The following SYT9 variants were observed in gnomAD, a reference collection of about 807,000 sequenced individuals.
SYT9 encodes synaptotagmin-9.
SYT9 carries 22 observed loss-of-function variants against 48.4 expected under a neutral mutation model. The ratio of observed to expected loss-of-function variants is 0.45; its 90% CI spans 0.32 to 0.65. SYT9 has a LOEUF of 0.65. Ranked by LOEUF, SYT9 falls within the 30% of genes least tolerant of loss-of-function variation. The pLI, the probability that SYT9 is intolerant of heterozygous loss-of-function variation, is 0.03. For synonymous variants in SYT9, 265 were observed against 245.0 expected (o/e 1.08, Z -0.76); for missense variants, 577 against 622.0 (o/e 0.93, Z 0.77).
chr11:7,425,765 C>T (rs569833808), intron 6 of SYT9, among the ~76,000 whole-genome samples: 4 of 151,998 alleles, frequency 2.6e-5, no homozygotes, highest in African/African-American at 4.8e-5. Flanking sequence ...AAGCCTAATA[C>T]GTGTGTTAGG....
At chr11:7,242,334 G>A (rs1342963064) in intron 1 of SYT9, among the ~76,000 whole-genome samples, 2 of 152,140 alleles carry the variant, frequency 1.3e-5, no homozygotes, top group Non-Finnish European at 2.9e-5. Flanking sequence ...GACCCATCTG[G>A]GGTGGTTAAG....
intron 2 of SYT9, among the ~76,000 whole-genome samples, chr11:7,307,079 C>G (rs980299672): frequency 2.6e-5 from 4 of 152,204 alleles, no homozygotes; most frequent in Non-Finnish European, 4.4e-5. Flanking sequence ...GGCCATTTGT[C>G]CCAGGTCTCA....
chr11:7,304,695 G>T (rs1284849824), intron 2 of SYT9, among the ~76,000 whole-genome samples: 4 of 152,094 alleles, frequency 2.6e-5, no homozygotes, highest in Admixed American at 2.6e-4. Context: ...TGAGGAGATG[G>T]GTAGTTGTCT....
At chr11:7,293,856 C>T (rs1848738070) in intron 1 of SYT9, among the ~76,000 whole-genome samples, 1 of 152,182 alleles carries the variant, frequency 6.6e-6, no homozygotes, top group African/African-American at 2.4e-5. Context: ...TTCTCTTTCT[C>T]CTGCTGAAGT....
chr11:7,262,603 C>T (rs1848100802), intron 1 of SYT9, among the ~76,000 whole-genome samples: 1 of 151,996 alleles, frequency 6.6e-6, no homozygotes, highest in African/African-American at 2.4e-5. Context: ...GAGTGTTGAC[C>T]TGGAACCCAG....
upstream of SYT9, among the ~76,000 whole-genome samples, chr11:7,248,484 C>T (rs1847821345): frequency 6.6e-6 from 1 of 152,134 alleles, no homozygotes; most frequent in African/African-American, 2.4e-5. Flanking sequence ...AGTCCTTAAT[C>T]CATCTTGAGT....
At chr11:7,455,205 G>GA (rs11372744) in intron 6 of SYT9, among the ~76,000 whole-genome samples, 133,679 of 150,536 alleles carry the variant, frequency 0.89, 59,667 homozygotes, top group African/African-American at 0.95. Context: ...CTTTCACTGA[G>GA]AAAAAAAAAG....
At chr11:7,453,207 A>G (rs114204363) in intron 6 of SYT9, among the ~76,000 whole-genome samples, 1 of 152,112 alleles carries the variant, frequency 6.6e-6, no homozygotes, top group Non-Finnish European at 1.5e-5. Context: ...CCTGGGAGAC[A>G]TACTGAGACC....
chr11:7,401,175 T>C (rs961161872), intron 3 of SYT9, among the ~76,000 whole-genome samples: 1 of 151,996 alleles, frequency 6.6e-6, no homozygotes, highest in Admixed American at 6.6e-5. Context: ...ACAAACTGTT[T>C]TACACACAAA....
At chr11:7,432,383 C>A (rs1847591805) in intron 6 of SYT9, among the ~76,000 whole-genome samples, 2 of 151,286 alleles carry the variant, frequency 1.3e-5, no homozygotes, top group African/African-American at 4.9e-5. Flanking sequence ...CCTGTCTCTA[C>A]TAAAAATACA....
chr11:7,386,652 G>A (rs1850666108), intron 3 of SYT9, among the ~76,000 whole-genome samples: 1 of 152,166 alleles, frequency 6.6e-6, no homozygotes, highest in Non-Finnish European at 1.5e-5. Flanking sequence ...GAAACAACAG[G>A]TGCTGGAGAG....
intron 6 of SYT9, among the ~76,000 whole-genome samples, chr11:7,421,766 A>C (rs1266314515): frequency 2.0e-5 from 3 of 152,266 alleles, no homozygotes; most frequent in Non-Finnish European, 4.4e-5. Flanking sequence ...GATATGAATA[A>C]GAAACAGTCC....
chr11:7,430,539 A>C (rs1469855763), intron 6 of SYT9, among the ~76,000 whole-genome samples: 1 of 152,186 alleles, frequency 6.6e-6, no homozygotes, highest in Non-Finnish European at 1.5e-5. Context: ...AAGTTTACTA[A>C]AGAGCGGTCA....
chr11:7,278,035 G>A (rs940510580), intron 1 of SYT9, among the ~76,000 whole-genome samples: 6 of 152,174 alleles, frequency 3.9e-5, no homozygotes, highest in Non-Finnish European at 7.3e-5. Context: ...AAGGTTGAGA[G>A]GTCACATATG....
At chr11:7,424,645 TC>T (rs1314877036) in intron 6 of SYT9, among the ~76,000 whole-genome samples, 1 of 152,188 alleles carries the variant, frequency 6.6e-6, no homozygotes, top group Non-Finnish European at 1.5e-5. Flanking sequence ...AAATGAAATT[TC>T]ACTTTTCTAA....
chr11:7,262,223 T>A (rs1041216309), intron 1 of SYT9, among the ~76,000 whole-genome samples: 4 of 152,126 alleles, frequency 2.6e-5, no homozygotes, highest in African/African-American at 9.7e-5. Flanking sequence ...GACTGTGGCC[T>A]GAGCAGCTAG....
intron 3 of SYT9, among the ~76,000 whole-genome samples, chr11:7,415,596 A>G (rs1590011968): frequency 6.6e-6 from 1 of 152,044 alleles, no homozygotes; most frequent in Admixed American, 6.5e-5. Context: ...GTGGGGCACT[A>G]CAGTACTGGA....
chr11:7,326,343 A>C, intron 3 of SYT9, among the ~76,000 whole-genome samples: 1 of 66,836 alleles, frequency 1.5e-5, no homozygotes, highest in Non-Finnish European at 2.8e-5. Flanking sequence ...TAGTCTTGGG[A>C]GAGTGTATGT....
At chr11:7,408,898 G>A (rs751582767) in intron 3 of SYT9, among the ~76,000 whole-genome samples, 1 of 151,942 alleles carries the variant, frequency 6.6e-6, no homozygotes, top group Non-Finnish European at 1.5e-5. Flanking sequence ...TGATTGCTCT[G>A]GCTAAGATTT....
Sources: gnomAD v4.1 joint callset for allele counts (sites outside exome capture counted in the v4.1 genomes callset) on GRCh38, gnomAD v4.1.1 for gene constraint, MANE v1.5 for transcripts, NCBI Gene and HGNC (gene_info 2026-07-23, HGNC 2026-07-21) for gene names.